PLCG2: variants seen among roughly 807,000 people sequenced by gnomAD.
The protein encoded by PLCG2 is phospholipase C gamma 2.
In PLCG2, 69 loss-of-function variants were observed where a neutral mutation model predicts 175.6. The observed-to-expected ratio is 0.39, with a 90% CI of 0.32 to 0.48. The LOEUF (loss-of-function observed/expected upper bound fraction) is 0.48. Ranked by LOEUF, PLCG2 falls within the 20% of genes least tolerant of loss-of-function variation. The pLI is 0.91. For synonymous variants in PLCG2, 827 were observed against 624.0 expected, an observed-to-expected ratio of 1.33 and a Z score of -4.85; for missense variants, 1,798 against 1,650.9, an observed-to-expected ratio of 1.09 and a Z score of -1.54.
At chr16:81,794,444 C>A (rs1597322460) in intron 2 of PLCG2, among the ~76,000 whole-genome samples, 1 of 152,254 alleles carries the variant, frequency 6.6e-6, no homozygotes, top group Non-Finnish European at 1.5e-5. Flanking sequence ...AGCGTCTCAT[C>A]AGAAATAAGA....
intron 2 of PLCG2, among the ~76,000 whole-genome samples, chr16:81,822,240 T>C (rs887713771): frequency 2.0e-5 from 3 of 152,076 alleles, no homozygotes; most frequent in African/African-American, 7.2e-5. Flanking sequence ...AATAATACTC[T>C]CCTCCTCTGC....
At chr16:81,812,249 C>T (rs530168573) in intron 2 of PLCG2, among the ~76,000 whole-genome samples, 1 of 152,096 alleles carries the variant, frequency 6.6e-6, no homozygotes, top group South Asian at 2.1e-4. Flanking sequence ...CGAAGTTTCA[C>T]CGTGTTAGCC....
chr16:81,769,335 T>C (rs1210367243), intron 2 of PLCG2, among the ~76,000 whole-genome samples: 3 of 152,238 alleles, frequency 2.0e-5, no homozygotes, highest in Non-Finnish European at 4.4e-5. Context: ...TGAAAGGCAC[T>C]GGTGCCCATA....
At chr16:81,851,440 T>C (rs1381645189) in intron 2 of PLCG2, among the ~76,000 whole-genome samples, 3 of 152,228 alleles carry the variant, frequency 2.0e-5, no homozygotes, top group South Asian at 2.1e-4. Flanking sequence ...TAGGTGGGTA[T>C]GTCTACCACC....
In PLCG2 at chr16:81,960,038, G is replaced by A. The variant is rs998550566; in HGVS notation, c.*2040G>A. On this transcript the variant is annotated 3_prime_UTR_variant, in exon 33 of 33. Transcript: ENST00000564138. ...AGCTGCTGCTGTGTAAAATCCATGC[G>A]TGGCCAAAGAGAAGTCAGGGGATTA... 12 of 217,114 alleles carry A rather than the reference G, an allele frequency of 5.5e-5. No individual in the cohort carries two copies. The highest frequency in any genetic ancestry group is 1.2e-4 in the Admixed American group (2 of 17,232). The allele number at this position is 217,114 out of a possible 1,614,324, so 13.4% of individuals were successfully genotyped here.
intron 7 of PLCG2, among the ~76,000 whole-genome samples, chr16:81,879,859 A>G (rs193137700): frequency 2.0e-3 from 305 of 152,314 alleles, no homozygotes; most frequent in African/African-American, 6.5e-3. Flanking sequence ...TTCATCATGC[A>G]ACAGTTGGCA....
intron 28 of PLCG2, chr16:81,938,559 T>C: frequency 1.8e-6 from 1 of 542,386 alleles, no homozygotes; most frequent in Non-Finnish European, 3.3e-6. Context: ...CAGGTGAGTT[T>C]TACCTGTTGA....
intron 19 of PLCG2, among the ~76,000 whole-genome samples, chr16:81,917,791 A>C (rs557437902): frequency 1.3e-5 from 2 of 152,220 alleles, no homozygotes; most frequent in East Asian, 3.9e-4. Context: ...GTGTGATCTC[A>C]GCTCACTGCA....
intron 6 of PLCG2, 80 bp downstream of exon 6, chr16:81,869,378 G>C: frequency 1.0e-6 from 1 of 973,978 alleles, no homozygotes; most frequent in Non-Finnish European, 1.7e-6. Flanking sequence ...GCTTGCCTTT[G>C]AGTTCCGTGG....
intron 2 of PLCG2, among the ~76,000 whole-genome samples, chr16:81,807,670 T>C (rs922399294): frequency 2.6e-5 from 4 of 152,218 alleles, no homozygotes; most frequent in South Asian, 2.1e-4. Context: ...AGGGTCACTG[T>C]ATTAGTCTGT....
At position 81,936,249 on chromosome 16, in the gene PLCG2, C is replaced by G. The variant is rs1320061521; in HGVS notation, c.2923C>G (p.Leu975Val). Residue 975 changes from leucine (L) to valine (V), a missense_variant, in exon 27 of 33, where the codon CTG (leucine) becomes GTG (valine). Leu to Val is a conservative substitution (Grantham distance 32). Coordinates refer to ENST00000564138, the MANE Select transcript of PLCG2 (RefSeq NM_002661.5). ...CATCAGACAGAAGCCCGTCGACCTC[C>G]TGAAGTACAATCAAAAGGGCCTGAC... ...SIIRQKPVDL[L>V]KYNQKGLTRV... 2 of 1,614,050 alleles carry G rather than the reference C, an allele frequency of 1.2e-6. No homozygotes were observed. The highest frequency in any genetic ancestry group is 4.5e-5 in the East Asian group (2 of 44,898).
intron 9 of PLCG2, among the ~76,000 whole-genome samples, chr16:81,885,924 T>G (rs4133124): frequency 0.5 from 75,329 of 152,008 alleles, 19,022 homozygotes; most frequent in East Asian, 0.67. Flanking sequence ...TTGCCCAACC[T>G]GAGACTAAGT....
chr16:81,921,762 A>G (rs12596249), intron 21 of PLCG2, among the ~76,000 whole-genome samples: 75,667 of 152,066 alleles, frequency 0.5, 19,129 homozygotes, highest in African/African-American at 0.55. Context: ...AGGAAGAACC[A>G]CAGCGAATTT....
intron 2 of PLCG2, among the ~76,000 whole-genome samples, chr16:81,851,130 C>G (rs553166922): frequency 1.3e-5 from 2 of 152,274 alleles, no homozygotes; most frequent in South Asian, 4.1e-4. Flanking sequence ...GATACCACCC[C>G]CCTAATAATA....
intron 24 of PLCG2, among the ~76,000 whole-genome samples, chr16:81,930,240 C>T (rs371143899): frequency 1.3e-5 from 2 of 152,110 alleles, no homozygotes; most frequent in Non-Finnish European, 2.9e-5. Flanking sequence ...TATATAAGAG[C>T]TCAGAAATCT....
chr16:81,794,966 T>C (rs1003115480), intron 2 of PLCG2, among the ~76,000 whole-genome samples: 1 of 152,254 alleles, frequency 6.6e-6, no homozygotes, highest in African/African-American at 2.4e-5. Context: ...TCTCTTATGC[T>C]GAATAGCTGA....
intron 2 of PLCG2, among the ~76,000 whole-genome samples, chr16:81,816,625 T>C (rs1025917355): frequency 2.1e-5 from 3 of 141,454 alleles, no homozygotes; most frequent in Admixed American, 1.5e-4. Flanking sequence ...ACTACAGGCA[T>C]GCACCACCAT....
intron 2 of PLCG2, among the ~76,000 whole-genome samples, chr16:81,767,136 G>GTTTTTT (rs66799783): frequency 2.8e-5 from 2 of 71,772 alleles, no homozygotes; most frequent in Admixed American, 2.1e-4. Flanking sequence ...TAAACTCGTG[G>GTTTTTT]TTTTTTTTTT....
chr16:81,949,976 T>C (rs988254672), intron 31 of PLCG2, among the ~76,000 whole-genome samples: 8 of 152,162 alleles, frequency 5.3e-5, no homozygotes, highest in South Asian at 2.1e-4. Context: ...TTAGCATTGT[T>C]AGACTGAGGG....
Sources: gnomAD v4.1 joint callset for allele counts (sites outside exome capture counted in the v4.1 genomes callset) on GRCh38, gnomAD v4.1.1 for gene constraint, MANE v1.5 for transcripts, NCBI Gene and HGNC (gene_info 2026-07-23, HGNC 2026-07-21) for gene names.